The following PKIA variants were observed in gnomAD, a reference collection of about 807,000 sequenced individuals.
PKIA encodes PKI-alpha.
Under a neutral mutation model 7.6 loss-of-function variants are expected in PKIA, and 4 were observed. The observed-to-expected ratio is 0.52, with a 90% CI of 0.26 to 1.20. The LOEUF is 1.20. Ranked by LOEUF, PKIA falls within the 50% of genes most tolerant of loss-of-function variation. The pLI is 0.13. For synonymous variants in PKIA, 21 were observed against 30.7 expected (o/e 0.68, Z 1.04); for missense variants, 73 against 86.2 (o/e 0.85, Z 0.61).
At chr8:78,549,111 A>C (rs781313358) in intron 1 of PKIA, among the ~76,000 whole-genome samples, 1 of 152,060 alleles carries the variant, frequency 6.6e-6, no homozygotes, top group African/African-American at 2.4e-5. Flanking sequence ...AGAAAGCTGC[A>C]CTGGGTATAT....
intron 2 of PKIA, among the ~76,000 whole-genome samples, chr8:78,577,502 G>GA (rs111242232): frequency 0.041 from 6,139 of 148,138 alleles, 145 homozygotes; most frequent in African/African-American, 0.062. Context: ...ATAAAAGTTT[G>GA]AAAAAAAAAG....
chr8:78,530,050 A>G (rs1039111234), intron 1 of PKIA, among the ~76,000 whole-genome samples: 14 of 152,152 alleles, frequency 9.2e-5, no homozygotes, highest in African/African-American at 3.4e-4. Flanking sequence ...CCTTGAAAAT[A>G]TTAAATATAG....
At chr8:78,549,517 T>C (rs1246065322) in intron 1 of PKIA, among the ~76,000 whole-genome samples, 3 of 151,962 alleles carry the variant, frequency 2.0e-5, no homozygotes, top group Admixed American at 6.6e-5. Context: ...GAAATTCCCA[T>C]CAAATTTTAA....
intron 1 of PKIA, among the ~76,000 whole-genome samples, chr8:78,517,182 G>A (rs1214840763): frequency 6.6e-6 from 1 of 152,154 alleles, no homozygotes; most frequent in Non-Finnish European, 1.5e-5. Flanking sequence ...GTCCCAAAAA[G>A]GGCATTGCCT....
intron 2 of PKIA, among the ~76,000 whole-genome samples, chr8:78,575,962 C>A (rs1807664776): frequency 6.6e-6 from 1 of 151,988 alleles, no homozygotes; most frequent in South Asian, 2.1e-4. Flanking sequence ...AGGCCTCTCT[C>A]CTTTACTTGA....
intron 1 of PKIA, among the ~76,000 whole-genome samples, chr8:78,561,361 T>G (rs1019536837): frequency 2.0e-5 from 3 of 152,154 alleles, no homozygotes; most frequent in African/African-American, 7.2e-5. Flanking sequence ...TATAATTTAA[T>G]CAATTATAAG....
intron 1 of PKIA, among the ~76,000 whole-genome samples, chr8:78,557,756 A>G (rs1304487319): frequency 1.3e-5 from 2 of 152,186 alleles, no homozygotes; most frequent in Non-Finnish European, 2.9e-5. Flanking sequence ...GGGGACAGCT[A>G]TGTCAGGAAC....
chr8:78,552,590 C>T (rs1478434540), intron 1 of PKIA, among the ~76,000 whole-genome samples: 1 of 151,952 alleles, frequency 6.6e-6, no homozygotes, highest in Admixed American at 6.6e-5. Flanking sequence ...AGTTGCTTAG[C>T]AACAGAATCA....
intron 1 of PKIA, among the ~76,000 whole-genome samples, chr8:78,559,350 A>G (rs1448996738): frequency 6.6e-6 from 1 of 152,176 alleles, no homozygotes; most frequent in Non-Finnish European, 1.5e-5. Flanking sequence ...GGTTTTGACC[A>G]AGACATTAAG....
At chr8:78,548,090 CAG>C (rs1295490275) in intron 1 of PKIA, among the ~76,000 whole-genome samples, 1 of 151,858 alleles carries the variant, frequency 6.6e-6, no homozygotes, top group Non-Finnish European at 1.5e-5. Context: ...ATTAGAATAA[CAG>C]TATTATTAGA....
chr8:78,543,213 C>T (rs1481418388), intron 1 of PKIA, among the ~76,000 whole-genome samples: 4 of 152,200 alleles, frequency 2.6e-5, no homozygotes, highest in African/African-American at 7.2e-5. Context: ...GAGCTGTGTG[C>T]TTGGATCAAA....
chr8:78,599,943 A>G (rs977318818), intron 3 of PKIA, among the ~76,000 whole-genome samples: 2 of 150,236 alleles, frequency 1.3e-5, no homozygotes, highest in Non-Finnish European at 3.0e-5. Context: ...AAATTATTAT[A>G]AATTATTGAA....
intron 3 of PKIA, among the ~76,000 whole-genome samples, chr8:78,600,447 T>C: frequency 6.6e-6 from 1 of 152,126 alleles, no homozygotes; most frequent in Non-Finnish European, 1.5e-5. Context: ...TCCCCAGACA[T>C]CTAGAGGGTC....
At chr8:78,518,021 C>T (rs779407330) in intron 1 of PKIA, among the ~76,000 whole-genome samples, 19 of 152,236 alleles carry the variant, frequency 1.2e-4, no homozygotes, top group Middle Eastern at 3.4e-3. Context: ...CTCTTTCTTT[C>T]CTCTTCAAAT....
rs147211991 is a variant in PKIA, at chr8:78,542,488, G to C, written c.-157+26020G>C. On this transcript the variant is annotated intron_variant, in intron 1 of 3. Coordinates refer to ENST00000396418, the MANE Select transcript of PKIA (RefSeq NM_006823.4). ...CAAATGAGCTTATGTGAGGTGATCA[G>C]AAATTAAGATATTGTAAACGTCAGA... Among the ~76,000 whole-genome samples the C allele has an allele frequency of 5.2e-3, 791 of 152,230 alleles. 2 individuals are homozygous for C. The highest frequency in any genetic ancestry group is 0.017 in the Middle Eastern group (5 of 294).
rs754346239 is a variant in PKIA, at chr8:78,601,743, A to G, written c.153A>G (p.Glu51=). The G allele has an allele frequency of 2.5e-6, 4 of 1,610,882 alleles. No individual in the cohort carries two copies. In the East Asian group the frequency reaches 8.9e-5, roughly 36 times the overall value. The change falls in exon 4 of 4, where the codon GAA becomes GAG. Residue 51 remains glutamate (E), a splice_region_variant and synonymous_variant. Coordinates refer to ENST00000396418, the MANE Select transcript of PKIA (RefSeq NM_006823.4). Reference sequence around the variant, plus strand: ...TCTGTTTTCGTTTTTCTTTTGCAGAAGGTGAAGAAGATGCACAACGAAGTT... The same window carrying G: ...TCTGTTTTCGTTTTTCTTTTGCAGAGGGTGAAGAAGATGCACAACGAAGTT... ...KLAGLDINKT[E]GEEDAQRSST... is the part of the protein sequence containing the mutation.
At chr8:78,517,984 G>A (rs575869891) in intron 1 of PKIA, among the ~76,000 whole-genome samples, 1 of 152,142 alleles carries the variant, frequency 6.6e-6, no homozygotes, top group East Asian at 1.9e-4. Context: ...GAAAAAGAGG[G>A]GCAGAGTTGG....
At chr8:78,600,019 TTAAA>T (rs1808317009) in intron 3 of PKIA, among the ~76,000 whole-genome samples, 1 of 150,550 alleles carries the variant, frequency 6.6e-6, no homozygotes. Flanking sequence ...TATTTTACAA[TTAAA>T]TAATTTAAAA....
Position 78,603,275 on chromosome 8 carries a change from A to T in PKIA, c.*1454A>T, listed in dbSNP as rs1216381837. On this transcript the variant is annotated 3_prime_UTR_variant, in exon 4 of 4. Coordinates refer to ENST00000396418, the MANE Select transcript of PKIA (RefSeq NM_006823.4). ...AGACAATGGGAGTCCCTTTACAATA[A>T]CGAGCCCACTTAGCTGTCCTTGAGG... The T allele has an allele frequency of 1.3e-5, 2 of 152,340 alleles. No individual in the cohort carries two copies. The allele number at this position is 152,340 out of a possible 1,614,324, so 9.4% of individuals were successfully genotyped here. A position where few individuals can be genotyped will look rare whatever the true frequency, so the allele number is the denominator to read the frequency against.
Sources: gnomAD v4.1 joint callset for allele counts (sites outside exome capture counted in the v4.1 genomes callset) on GRCh38, gnomAD v4.1.1 for gene constraint, MANE v1.5 for transcripts, NCBI Gene and HGNC (gene_info 2026-07-23, HGNC 2026-07-21) for gene names.